The following ESRRG variants were observed in gnomAD, a reference collection of about 807,000 sequenced individuals.
ESRRG encodes estrogen-related receptor gamma.
ESRRG carries 13 observed loss-of-function variants against 44.0 expected under a neutral mutation model. The ratio of observed to expected loss-of-function variants is 0.30; its 90% CI spans 0.19 to 0.47. The LOEUF (loss-of-function observed/expected upper bound fraction) is 0.47, where lower values mean the gene tolerates loss of function less well. ESRRG is among the 20% of genes least tolerant of loss of function. The pLI, the probability that ESRRG is intolerant of heterozygous loss-of-function variation, is 1.00. For synonymous variants in ESRRG, 215 were observed against 214.6 expected, an observed-to-expected ratio of 1.00 and a Z score of -0.02; for missense variants, 395 against 580.6, an observed-to-expected ratio of 0.68 and a Z score of 3.29.
intron 2 of ESRRG, among the ~76,000 whole-genome samples, chr1:216,917,700 C>G (rs1560105371): frequency 6.6e-6 from 1 of 152,204 alleles, no homozygotes; most frequent in Non-Finnish European, 1.5e-5. Context: ...AGTACAGAAC[C>G]TGGCATTGTG....
At chr1:216,620,011 C>T (rs2061968854) in intron 3 of ESRRG, among the ~76,000 whole-genome samples, 1 of 152,008 alleles carries the variant, frequency 6.6e-6, no homozygotes, top group Non-Finnish European at 1.5e-5. Flanking sequence ...CAAACATAAT[C>T]CTGTTATTAG....
At chr1:216,881,591 C>T (rs1418057370) in intron 2 of ESRRG, among the ~76,000 whole-genome samples, 1 of 151,998 alleles carries the variant, frequency 6.6e-6, no homozygotes, top group African/African-American at 2.4e-5. Context: ...CTAGGGTTCC[C>T]ATCACCATCC....
chr1:216,543,829 A>G (rs890230150), intron 5 of ESRRG, among the ~76,000 whole-genome samples: 1 of 152,090 alleles, frequency 6.6e-6, no homozygotes, highest in Non-Finnish European at 1.5e-5. Flanking sequence ...AGTTAAAAAC[A>G]TGAAGAGATT....
intron 2 of ESRRG, among the ~76,000 whole-genome samples, chr1:216,792,934 G>A (rs1312717809): frequency 6.6e-6 from 1 of 152,164 alleles, no homozygotes; most frequent in Admixed American, 6.5e-5. Context: ...CTAGTCTGCT[G>A]CAGATAGGAA....
chr1:216,912,232 A>AGAGGG (rs2060533896), intron 2 of ESRRG, among the ~76,000 whole-genome samples: 1 of 63,524 alleles, frequency 1.6e-5, no homozygotes, highest in Non-Finnish European at 3.1e-5. Flanking sequence ...AGAGGAGAGG[A>AGAGGG]GAGGAGAGGA....
At chr1:216,990,169 G>A (rs1161296221) in intron 1 of ESRRG, among the ~76,000 whole-genome samples, 2 of 152,218 alleles carry the variant, frequency 1.3e-5, no homozygotes, top group East Asian at 3.9e-4. Context: ...TCACAGTGGT[G>A]TCAGTGAAGG....
chr1:217,035,460 T>G (rs2082728071), intron 1 of ESRRG, among the ~76,000 whole-genome samples: 1 of 152,078 alleles, frequency 6.6e-6, no homozygotes, highest in African/African-American at 2.4e-5. Context: ...TTACTCAATA[T>G]TGCCAGTGTC....
At chr1:216,926,673 A>T (rs543612637) in intron 2 of ESRRG, among the ~76,000 whole-genome samples, 1 of 152,316 alleles carries the variant, frequency 6.6e-6, no homozygotes, top group East Asian at 1.9e-4. Flanking sequence ...AGCCATAGAG[A>T]TACAAAAAAA....
intron 1 of ESRRG, among the ~76,000 whole-genome samples, chr1:217,129,181 T>A (rs943472699): frequency 1.3e-5 from 2 of 152,190 alleles, no homozygotes; most frequent in Non-Finnish European, 2.9e-5. Flanking sequence ...TCGTCAAGAC[T>A]CTGAATAGAC....
chr1:216,964,472 A>T (rs1427436994), intron 1 of ESRRG, among the ~76,000 whole-genome samples: 3 of 152,104 alleles, frequency 2.0e-5, no homozygotes, highest in Non-Finnish European at 4.4e-5. Context: ...TGAGCAAGTC[A>T]TTTGCCTCAC....
chr1:216,597,171 T>A lies in ESRRG; in HGVS notation c.590-29073A>T, dbSNP rs1247627739. On this transcript the variant is annotated intron_variant, in intron 3 of 6. Coordinates refer to ENST00000408911, the MANE Select transcript of ESRRG (RefSeq NM_001438.4). Reference sequence around the variant, plus strand: ...AGTCACCCAATTCCATTTATTCAAATGTGTACAATGTGCTTATTACGCACC... The same window carrying A: ...AGTCACCCAATTCCATTTATTCAAAAGTGTACAATGTGCTTATTACGCACC... 2.0e-5 allele frequency among the ~76,000 whole-genome samples: 3 copies of A among 152,218 alleles called. No homozygotes were observed. The South Asian group carries it at 6.2e-4, about 32-fold the overall frequency.
intron 6 of ESRRG, among the ~76,000 whole-genome samples, chr1:216,511,530 C>CA: frequency 7.2e-6 from 1 of 138,118 alleles, no homozygotes; most frequent in Non-Finnish European, 1.6e-5. Context: ...CAGGGTATTC[C>CA]CAAAATATAC....
In ESRRG at chr1:216,626,593, C is replaced by T. The variant is rs2063226985; in HGVS notation, c.589+24380G>A. Among the ~76,000 whole-genome samples the T allele has an allele frequency of 2.6e-5, 4 of 152,364 alleles. No individual in the cohort carries two copies. The Middle Eastern group carries it at 0.01, about 389-fold the overall frequency. Reference sequence around the variant, plus strand: ...TGCCCTGGGGCAGTGAAATGCAGCACCATTGACAGTCAGAGATGCCTGTCC... The same window carrying T: ...TGCCCTGGGGCAGTGAAATGCAGCATCATTGACAGTCAGAGATGCCTGTCC... On this transcript the variant is annotated intron_variant, in intron 3 of 6. Coordinates refer to ENST00000408911, the MANE Select transcript of ESRRG (RefSeq NM_001438.4).
chr1:216,850,885 T>C (rs1028690893), intron 2 of ESRRG, among the ~76,000 whole-genome samples: 17 of 151,898 alleles, frequency 1.1e-4, no homozygotes, highest in Admixed American at 6.6e-4. Flanking sequence ...AGAGATGTGC[T>C]TAGATAATAT....
chr1:216,947,561 G>C (rs529587796), intron 1 of ESRRG, among the ~76,000 whole-genome samples: 1 of 152,220 alleles, frequency 6.6e-6, no homozygotes, highest in African/African-American at 2.4e-5. Context: ...TTCTAGGGCT[G>C]GGGCTGTACG....
At chr1:216,887,155 A>G (rs2096528131) in intron 2 of ESRRG, among the ~76,000 whole-genome samples, 1 of 152,174 alleles carries the variant, frequency 6.6e-6, no homozygotes, top group Non-Finnish European at 1.5e-5. Context: ...ATTTGTCCAC[A>G]GTCATTAAGC....
At chr1:217,095,538 G>T (rs949979070) in intron 1 of ESRRG, among the ~76,000 whole-genome samples, 22 of 152,184 alleles carry the variant, frequency 1.4e-4, no homozygotes, top group Non-Finnish European at 2.8e-4. Context: ...AGTGGGGAGG[G>T]AGGAGGAACT....
chr1:216,734,684 G>A (rs2089521562), intron 2 of ESRRG, among the ~76,000 whole-genome samples: 1 of 152,042 alleles, frequency 6.6e-6, no homozygotes, highest in African/African-American at 2.4e-5. Flanking sequence ...TTTCTTTATA[G>A]CAATGCAGCA....
chr1:216,792,892 G>A (rs1254063485), intron 2 of ESRRG, among the ~76,000 whole-genome samples: 1 of 152,082 alleles, frequency 6.6e-6, no homozygotes, highest in East Asian at 1.9e-4. Context: ...TTTTCATAAG[G>A]CACCATGATC....
Sources: allele counts gnomAD v4.1 joint callset (sites outside exome capture counted in the v4.1 genomes callset), GRCh38; gene constraint gnomAD v4.1.1; transcripts MANE v1.5; gene names NCBI Gene and HGNC (gene_info 2026-07-23, HGNC 2026-07-21).